Variants in ST8SIA6 observed in about 807,000 individuals in gnomAD.
The protein encoded by ST8SIA6 is ST8 alpha-N-acetyl-neuraminide alpha-2,8-sialyltransferase 6, also known as alpha-2,8-sialyltransferase 8F.
ST8SIA6 carries 39 observed loss-of-function variants against 33.6 expected under a neutral mutation model. The ratio of observed to expected loss-of-function variants is 1.16; its 90% CI spans 0.90 to 1.52. The LOEUF is 1.52. Ranked by LOEUF, ST8SIA6 falls within the 40% of genes most tolerant of loss-of-function variation. The pLI is 0.00. For synonymous variants in ST8SIA6, 172 were observed against 167.2 expected (o/e 1.03, Z -0.22); for missense variants, 441 against 443.8 (o/e 0.99, Z 0.06).
At chr10:17,372,705 A>G (rs1849775242) in intron 3 of ST8SIA6, among the ~76,000 whole-genome samples, 1 of 152,258 alleles carries the variant, frequency 6.6e-6, no homozygotes. Context: ...TGAACTGAGT[A>G]ATGGGTTAGT....
chr10:17,350,363 C>T (rs1288337776), intron 4 of ST8SIA6, among the ~76,000 whole-genome samples: 4 of 149,842 alleles, frequency 2.7e-5, no homozygotes, highest in South Asian at 4.4e-4. Flanking sequence ...ATTTTAGAAT[C>T]GACTGGCTCA....
intron 2 of ST8SIA6, among the ~76,000 whole-genome samples, chr10:17,446,494 G>T (rs952047736): frequency 6.6e-6 from 1 of 152,166 alleles, no homozygotes; most frequent in African/African-American, 2.4e-5. Context: ...GAAAATAATT[G>T]TAAAGAATAA....
intron 4 of ST8SIA6, among the ~76,000 whole-genome samples, chr10:17,350,795 C>G (rs2131608039): frequency 6.6e-6 from 1 of 152,226 alleles, no homozygotes; most frequent in Admixed American, 6.5e-5. Context: ...ATCACACTGA[C>G]AGGTAAGATA....
rs1266294990 is a variant in ST8SIA6, at chr10:17,453,582, G to C, written c.177C>G (p.Thr59=). 2 of 1,327,304 alleles carry C rather than the reference G, an allele frequency of 1.5e-6. No homozygotes were observed. Among genetic ancestry groups the C allele is most frequent in the Non-Finnish European group, 1.9e-6 (2 of 1,031,160 alleles). The allele number at this position is 1,327,304 out of a possible 1,614,324, so 82.2% of individuals were successfully genotyped here. A position where few individuals can be genotyped will look rare whatever the true frequency, so the allele number is the denominator to read the frequency against. Residue 59 remains threonine, a synonymous_variant, in exon 2 of 8, where the codon ACC becomes ACG. Coordinates refer to ENST00000377602, the MANE Select transcript of ST8SIA6 (RefSeq NM_001004470.3). ...ACCTGTTAGTGGCGCGCGGTACCGCGGTCGCCGGGCTCCGGAGCGTCCTCA... is the reference window on the plus strand; with the variant it reads ...ACCTGTTAGTGGCGCGCGGTACCGCCGTCGCCGGGCTCCGGAGCGTCCTCA... ...AALRTLRSPA[T]AVPRATNSTY...
At chr10:17,386,873 C>A (rs61842121) in intron 3 of ST8SIA6, 3 of 152,512 alleles carry the variant, frequency 2.0e-5, no homozygotes, top group East Asian at 1.9e-4. Flanking sequence ...TCTCTCCCCG[C>A]TTCTGCTATC....
At chr10:17,374,723 TAA>T (rs1849843788) in intron 3 of ST8SIA6, among the ~76,000 whole-genome samples, 1 of 81,840 alleles carries the variant, frequency 1.2e-5, no homozygotes. Flanking sequence ...CAAAAATAAA[TAA>T]ATAAATAAAT....
intron 2 of ST8SIA6, among the ~76,000 whole-genome samples, chr10:17,449,625 A>G (rs7909094): frequency 0.057 from 8,635 of 152,292 alleles, 805 homozygotes; most frequent in African/African-American, 0.19. Flanking sequence ...TTAGCACATT[A>G]ACCATCTTAC....
chr10:17,372,849 A>G lies in ST8SIA6; in HGVS notation c.291-13249T>C, dbSNP rs190134198. On this transcript the variant is annotated intron_variant, in intron 3 of 7. Coordinates refer to ENST00000377602, the MANE Select transcript of ST8SIA6 (RefSeq NM_001004470.3). ...TCACACATTATTTCTGCAATATTCT[A>G]TTGGTTTCATGGGGCAGCCCTCTTT... Among the ~76,000 whole-genome samples, 7 of 152,270 alleles carry G rather than the reference A, an allele frequency of 4.6e-5. No individual in the cohort carries two copies. In the East Asian group the frequency reaches 1.2e-3, roughly 25 times the overall value.
chr10:17,352,375 A>G (rs1266588981), intron 4 of ST8SIA6, among the ~76,000 whole-genome samples: 1 of 152,148 alleles, frequency 6.6e-6, no homozygotes, highest in Non-Finnish European at 1.5e-5. Context: ...AAAGAATATG[A>G]TGATTAAAGC....
intron 2 of ST8SIA6, among the ~76,000 whole-genome samples, chr10:17,437,346 T>G (rs1281419535): frequency 6.6e-6 from 1 of 152,164 alleles, no homozygotes; most frequent in Admixed American, 6.5e-5. Context: ...TTTTTAATTT[T>G]TAGTTTATAG....
rs1460630187 is a variant in ST8SIA6, at chr10:17,359,502, GA to G, written c.377+11del. ...ATTTTTAAAATCTCATATTATTTAT[GA>G]AAAAAATTACCTAAAATTTGCATAT... On this transcript the variant is annotated intron_variant, in intron 4 of 7. Coordinates refer to ENST00000377602, the MANE Select transcript of ST8SIA6 (RefSeq NM_001004470.3). The G allele has an allele frequency of 4.5e-6, 7 of 1,568,322 alleles. No homozygotes were observed. Among genetic ancestry groups the G allele is most frequent in the South Asian group, 2.3e-5 (2 of 86,324 alleles).
intron 7 of ST8SIA6, among the ~76,000 whole-genome samples, chr10:17,322,257 AAGAG>A (rs879257022): frequency 2.9e-3 from 440 of 151,888 alleles, no homozygotes; most frequent in Non-Finnish European, 4.2e-3. Context: ...AGAAAGGAAA[AAGAG>A]AGAAAGAAAA....
At chr10:17,346,196 C>A (rs1436828768) in intron 4 of ST8SIA6, among the ~76,000 whole-genome samples, 1 of 152,198 alleles carries the variant, frequency 6.6e-6, no homozygotes, top group Non-Finnish European at 1.5e-5. Context: ...TAGCTGAATT[C>A]CTAGTAAGCA....
chr10:17,328,165 T>C (rs900012634), intron 5 of ST8SIA6, among the ~76,000 whole-genome samples: 2 of 152,190 alleles, frequency 1.3e-5, no homozygotes, highest in African/African-American at 2.4e-5. Context: ...CAGCATTAAA[T>C]CTATTCTAAG....
intron 3 of ST8SIA6, among the ~76,000 whole-genome samples, chr10:17,375,861 T>C (rs1269612449): frequency 6.6e-6 from 1 of 151,902 alleles, no homozygotes; most frequent in Non-Finnish European, 1.5e-5. Context: ...TGCTGTTGTT[T>C]AAAAAAAAGT....
At chr10:17,373,858 A>G (rs144450012) in intron 3 of ST8SIA6, among the ~76,000 whole-genome samples, 1 of 152,280 alleles carries the variant, frequency 6.6e-6, no homozygotes, top group East Asian at 1.9e-4. Context: ...TCTGATATGA[A>G]TGCGTAATCA....
At chr10:17,431,809 C>G (rs1852111344) in intron 2 of ST8SIA6, among the ~76,000 whole-genome samples, 1 of 151,698 alleles carries the variant, frequency 6.6e-6, no homozygotes, top group Non-Finnish European at 1.5e-5. Context: ...ATTCCAGGCA[C>G]AACAGTAAAT....
chr10:17,429,193 G>A (rs1034589165), intron 2 of ST8SIA6, among the ~76,000 whole-genome samples: 10 of 151,724 alleles, frequency 6.6e-5, no homozygotes, highest in East Asian at 1.9e-4. Context: ...ATTTATGATC[G>A]CTTATTCATT....
intron 2 of ST8SIA6, among the ~76,000 whole-genome samples, chr10:17,392,738 T>C (rs943434292): frequency 7.2e-5 from 11 of 152,142 alleles, no homozygotes; most frequent in African/African-American, 2.4e-4. Context: ...CAGGATAGAA[T>C]AGACTATGAT....
Sources: gnomAD v4.1 joint callset for allele counts (sites outside exome capture counted in the v4.1 genomes callset) on GRCh38, gnomAD v4.1.1 for gene constraint, MANE v1.5 for transcripts, NCBI Gene and HGNC (gene_info 2026-07-23, HGNC 2026-07-21) for gene names.